Variants in DHX37 observed in about 807,000 individuals in gnomAD.
The protein encoded by DHX37 is DEAH-box helicase 37.
A neutral mutation model predicts 134.3 loss-of-function variants in DHX37; 52 were observed. The observed-to-expected ratio is 0.39, with a 90% confidence interval of 0.31 to 0.49. DHX37 has a LOEUF of 0.49. Among genes scored for constraint, DHX37 ranks in the 20% least tolerant of loss-of-function variants. The pLI is 0.93. For missense variants in DHX37, 1,344 were observed against 1,580.8 expected (o/e 0.85, Z 2.54); for synonymous variants, 634 against 670.7 (o/e 0.95, Z 0.85).
intron 16 of DHX37, 101 bp downstream of exon 16, chr12:124,960,211 C>G: frequency 6.6e-7 from 1 of 1,515,898 alleles, no homozygotes; most frequent in Non-Finnish European, 8.9e-7. Context: ...GCAGCTGCCG[C>G]AGGCCAGGCA....
rs927709664 is a variant in DHX37, at chr12:124,950,243, T to C, written c.3122A>G (p.Tyr1041Cys). 2 of 1,613,464 alleles carry C rather than the reference T, an allele frequency of 1.2e-6. No homozygotes were observed. The highest frequency in any genetic ancestry group is 4.5e-5 in the East Asian group (2 of 44,878). ...RVLCHRASVF[Y>C]RVGWPLPAIE... ...GGCGGGGAGCGGCCAGCCCACGCGATCTAGAAGGTGGGAGCCAGTGAGACA... is the reference window on the plus strand; with the variant it reads ...GGCGGGGAGCGGCCAGCCCACGCGACCTAGAAGGTGGGAGCCAGTGAGACA... Residue 1041 changes from tyrosine (Y) to cysteine (C), a missense_variant and splice_region_variant, in exon 24 of 27, where the codon TAT becomes TGT. Tyr to Cys is a radical substitution (Grantham distance 194). Coordinates refer to ENST00000308736, the MANE Select transcript of DHX37 (RefSeq NM_032656.4).
intron 16 of DHX37, among the ~76,000 whole-genome samples, chr12:124,958,069 ACAGGGGC>A (rs1954138147): frequency 6.6e-6 from 1 of 152,190 alleles, no homozygotes; most frequent in African/African-American, 2.4e-5. Flanking sequence ...AGGAGTGGGC[ACAGGGGC>A]CAGGGAGCTG....
chr12:124,953,902 C>T lies in DHX37; in HGVS notation c.2673G>A (p.Leu891=). The change falls in exon 20 of 27, where the codon CTG becomes CTA. Residue 891 remains leucine, a synonymous_variant. Coordinates refer to ENST00000308736, the MANE Select transcript of DHX37 (RefSeq NM_032656.4). ...RYKAMMEIRR[L]RGQLTTAVNA... ...TACCTGCGGTGGTCAGCTGGCCCCG[C>T]AGGCGCCGGATCTCCATCATGGCTT... is the stretch of plus-strand genomic sequence containing the variant. The T allele has an allele frequency of 6.2e-7, 1 of 1,611,826 alleles. No homozygotes were observed. The highest frequency in any genetic ancestry group is 8.5e-7 in the Non-Finnish European group (1 of 1,179,380).
rs1420132326 is a variant in DHX37, at chr12:124,972,507, T to C, written c.1073A>G (p.Gln358Arg). The C allele has an allele frequency of 1.2e-6, 2 of 1,614,040 alleles. No individual in the cohort carries two copies. The highest frequency in any genetic ancestry group is 1.7e-6 in the Non-Finnish European group (2 of 1,179,998). The change falls in exon 7 of 27, where the codon CAG (glutamine) becomes CGG (arginine). Residue 358 changes from glutamine (Q) to arginine (R), a missense_variant. This residue lies in a region of DHX37 where 30 missense variants were observed against 72.5 expected (regional missense o/e 0.41). Coordinates refer to ENST00000308736, the MANE Select transcript of DHX37 (RefSeq NM_032656.4). ...MTDGVLLKEIQKDFLLLRYKV... is the reference protein window; with the variant it reads ...MTDGVLLKEIRKDFLLLRYKV... ...GAGCCAGGATCCACAACCAACCTTC[T>C]GGATTTCTTTAAGCAGCACACCATC...
At chr12:124,956,555 C>T (rs552152796) in intron 18 of DHX37, 136 bp downstream of exon 18, 1 of 1,113,180 alleles carries the variant, frequency 9.0e-7, no homozygotes, top group East Asian at 2.9e-5. Flanking sequence ...GTTGCACAAT[C>T]TCAGCTCACT....
At position 124,968,945 on chromosome 12, in the gene DHX37, G is replaced by A. The variant is rs776847912; in HGVS notation, c.1215C>T (p.Leu405=). 13 of 1,614,082 alleles carry A rather than the reference G, an allele frequency of 8.1e-6. No individual in the cohort carries two copies. The highest frequency in any genetic ancestry group is 1.3e-5 in the African/African-American group (1 of 75,044). Residue 405 remains leucine, a synonymous_variant, in exon 9 of 27, where the codon CTC becomes CTT. Coordinates refer to ENST00000308736, the MANE Select transcript of DHX37 (RefSeq NM_032656.4). ...RAKRNLPLKL[L]IMSATLRVED... ...CCACCCGCAGCGTGGCCGACATGATGAGCAGCTTGAGTGGCAGGTTCCTCT... is the reference window on the plus strand; with the variant it reads ...CCACCCGCAGCGTGGCCGACATGATAAGCAGCTTGAGTGGCAGGTTCCTCT...
At chr12:124,986,879 G>C (rs1431904206) in intron 1 of DHX37, among the ~76,000 whole-genome samples, 1 of 152,008 alleles carries the variant, frequency 6.6e-6, no homozygotes, top group Non-Finnish European at 1.5e-5. Context: ...CCAAGTAGCT[G>C]GGATTACAGG....
At position 124,949,835 on chromosome 12, in the gene DHX37, ACCGTGGCTCTG is replaced by A; in HGVS notation, c.3290+140_3290+150del. On this transcript the variant is annotated intron_variant, in intron 25 of 26. Transcript: ENST00000308736. This position sits in a 1 kb window ranked among gnomAD's most constrained non-coding sequence, Gnocchi z 4.0. ...ACCCTCCCCGAGAGCCGCTGCACAG[ACCGTGGCTCTG>A]CAGAGCCTTCAGACCTGAGCACAGA... 1.2e-6 allele frequency: 1 copy of A among 863,666 alleles called. No individual in the cohort carries two copies. The highest frequency in any genetic ancestry group is 1.8e-6 in the Non-Finnish European group (1 of 566,094). The allele number at this position is 863,666 out of a possible 1,614,324, so 53.5% of individuals were successfully genotyped here.
chr12:124,958,814 C>T (rs1418297694), intron 16 of DHX37, among the ~76,000 whole-genome samples: 3 of 151,244 alleles, frequency 2.0e-5, no homozygotes, highest in African/African-American at 2.4e-5. Context: ...TTAGTAGAGA[C>T]GGAGTTTCAC....
intron 9 of DHX37, 33 bp downstream of exon 9, chr12:124,968,834 C>T (rs757237175): frequency 4.3e-6 from 7 of 1,612,824 alleles, no homozygotes; most frequent in East Asian, 2.2e-5. Flanking sequence ...TTGTGCCATC[C>T]AAGCTCACAG....
rs201529956 is a variant in DHX37, at chr12:124,964,432, C to T, written c.2007G>A (p.Ala669=). The change falls in exon 15 of 27, where the codon GCG becomes GCA. Residue 669 remains alanine, a synonymous_variant. Transcript: ENST00000308736. ...CGGGCTCCGTCCGTCCTGCTCTGCC[C>T]GCTCGCTGGTCAGCTGATGCCTGGG... ...WVSQASADQR[A]GRAGRTEPGH... The T allele has an allele frequency of 3.5e-5, 56 of 1,614,108 alleles. No homozygotes were observed. The East Asian group carries it at 5.8e-4, about 17-fold the overall frequency.
chr12:124,949,916 C>T lies in DHX37; in HGVS notation c.3290+70G>A. ...CCCTGTGTGTGGTGCTTTGTCCTGGCAGCCCCGGGGAGGTCATTCAGGCCT... is the reference window on the plus strand; with the variant it reads ...CCCTGTGTGTGGTGCTTTGTCCTGGTAGCCCCGGGGAGGTCATTCAGGCCT... On this transcript the variant is annotated intron_variant, in intron 25 of 26. Coordinates refer to ENST00000308736, the MANE Select transcript of DHX37 (RefSeq NM_032656.4). The surrounding 1 kb of genome is among the most constrained non-coding windows in gnomAD (Gnocchi z 4.0). 6.7e-7 allele frequency: 1 copy of T among 1,487,986 alleles called. No individual in the cohort carries two copies. Among genetic ancestry groups the T allele is most frequent in the South Asian group, 1.2e-5 (1 of 81,538 alleles). 92.2% of individuals were successfully genotyped at this position (1,487,986 alleles called of 1,614,324 possible).
chr12:124,956,114 C>T (rs964416293), intron 18 of DHX37, among the ~76,000 whole-genome samples: 9 of 152,196 alleles, frequency 5.9e-5, no homozygotes, highest in African/African-American at 1.2e-4. Context: ...CTCACAGAGT[C>T]GATGAAGTGA....
intron 25 of DHX37, 86 bp from the exon 26 acceptor site, chr12:124,948,267 C>G: frequency 2.0e-6 from 3 of 1,513,072 alleles, no homozygotes; most frequent in African/African-American, 2.7e-5. Flanking sequence ...GCAGGCATCA[C>G]CACCCCACCA....
At chr12:124,964,066 A>G (rs1954327041) in intron 15 of DHX37, among the ~76,000 whole-genome samples, 1 of 151,768 alleles carries the variant, frequency 6.6e-6, no homozygotes, top group South Asian at 2.1e-4. Flanking sequence ...GTGGTGGCGC[A>G]CACCAGTAAT....
intron 8 of DHX37, among the ~76,000 whole-genome samples, chr12:124,969,470 T>C (rs1954472121): frequency 6.6e-6 from 1 of 152,142 alleles, no homozygotes; most frequent in Non-Finnish European, 1.5e-5. Context: ...AAAGCACCTC[T>C]GTGGGAGGCA....
intron 2 of DHX37, among the ~76,000 whole-genome samples, chr12:124,983,418 T>TAC (rs141343765): frequency 0.04 from 5,970 of 148,178 alleles, 346 homozygotes; most frequent in African/African-American, 0.13. Flanking sequence ...ATGTGTGTAT[T>TAC]ACACACACAC....
intron 1 of DHX37, 148 bp downstream of exon 1, chr12:124,988,769 T>A: frequency 2.4e-6 from 1 of 421,076 alleles, no homozygotes. Flanking sequence ...CCCCTCTCCT[T>A]TGGATCATCT....
At chr12:124,976,383 G>C (rs1298501603) in intron 5 of DHX37, among the ~76,000 whole-genome samples, 1 of 152,228 alleles carries the variant, frequency 6.6e-6, no homozygotes, top group Non-Finnish European at 1.5e-5. Context: ...AACACACATG[G>C]GTCAAAAGTG....
Sources: allele counts gnomAD v4.1 joint callset (sites outside exome capture counted in the v4.1 genomes callset), GRCh38; gene constraint gnomAD v4.1.1; regional missense constraint gnomAD v4.1.1; non-coding constraint Gnocchi (gnomAD v3.1); transcripts MANE v1.5; gene names NCBI Gene and HGNC (gene_info 2026-07-23, HGNC 2026-07-21).